Variants in YAF2 observed in about 807,000 individuals in gnomAD.
YAF2 encodes YY1-associated factor 2.
In YAF2, 7 loss-of-function variants were observed where a neutral mutation model predicts 20.1. The ratio of observed to expected loss-of-function variants is 0.35; its 90% CI spans 0.20 to 0.65. The LOEUF is 0.65. YAF2 is among the 30% of genes least tolerant of loss of function. The pLI, the probability that YAF2 is intolerant of heterozygous loss-of-function variation, is 0.69. For missense variants in YAF2, 151 were observed against 219.2 expected (o/e 0.69, Z 1.96); for synonymous variants, 74 against 76.0 (o/e 0.97, Z 0.14).
chr12:42,237,881 G>A (rs2068231780), intron 1 of YAF2, 157 bp from the exon 2 acceptor site: 2 of 676,808 alleles, frequency 3.0e-6, no homozygotes, highest in Admixed American at 6.1e-5. Flanking sequence ...TGAGGGGGAA[G>A]GGAGTCAGGA....
chr12:42,172,504 AT>A (rs575551435), intron 2 of YAF2, among the ~76,000 whole-genome samples: 1 of 152,016 alleles, frequency 6.6e-6, no homozygotes, highest in African/African-American at 2.4e-5. Context: ...TGAGACCTGA[AT>A]TTTTTTTAAG....
intron 2 of YAF2, among the ~76,000 whole-genome samples, chr12:42,197,699 T>A (rs1416841287): frequency 6.6e-6 from 1 of 152,166 alleles, no homozygotes; most frequent in African/African-American, 2.4e-5. Context: ...AGAAAACATG[T>A]AACCCGAAAA....
At chr12:42,179,541 CT>C (rs1379610777) in intron 2 of YAF2, among the ~76,000 whole-genome samples, 1 of 152,054 alleles carries the variant, frequency 6.6e-6, no homozygotes, top group Non-Finnish European at 1.5e-5. Flanking sequence ...TCTAAGTTTT[CT>C]AAAAATAGAA....
chr12:42,213,883 A>T (rs541723897), intron 2 of YAF2, among the ~76,000 whole-genome samples: 1 of 152,350 alleles, frequency 6.6e-6, no homozygotes, highest in African/African-American at 2.4e-5. Flanking sequence ...GGTACTACAC[A>T]GACCTCCATT....
At chr12:42,199,161 C>T (rs1311542403) in intron 2 of YAF2, 5 of 1,288,568 alleles carry the variant, frequency 3.9e-6, no homozygotes, top group Non-Finnish European at 5.1e-6. Context: ...AGAGAATGAC[C>T]CAAATTTCTA....
Position 42,158,503 on chromosome 12 carries a change from C to G in YAF2, c.*2086G>C, listed in dbSNP as rs1356948848. ...AGAATTTTACACGGATTGACTTAAT[C>G]CTCCCAAAAACCCTATAAATTAGAT... is the stretch of plus-strand genomic sequence containing the variant. On this transcript the variant is annotated 3_prime_UTR_variant, in exon 4 of 4. Transcript: ENST00000534854. 6.6e-6 allele frequency: 1 copy of G among 152,130 alleles called. No individual in the cohort carries two copies. The highest frequency in any genetic ancestry group is 2.4e-5 in the African/African-American group (1 of 41,422). 9.4% of individuals were successfully genotyped at this position (152,130 alleles called of 1,614,324 possible). A position where few individuals can be genotyped will look rare whatever the true frequency, so the allele number is the denominator to read the frequency against.
At chr12:42,226,970 G>A (rs1264283061) in intron 2 of YAF2, among the ~76,000 whole-genome samples, 9 of 148,976 alleles carry the variant, frequency 6.0e-5, no homozygotes, top group African/African-American at 2.0e-4. Context: ...GCTGCGGCCC[G>A]GGGCAGTGCG....
chr12:42,180,809 G>A (rs921059022), intron 2 of YAF2, among the ~76,000 whole-genome samples: 2 of 152,084 alleles, frequency 1.3e-5, no homozygotes, highest in African/African-American at 4.8e-5. Flanking sequence ...TTAGCTGGAT[G>A]TGGTGGTGCG....
chr12:42,234,176 G>A, intron 2 of YAF2: 1 of 954,966 alleles, frequency 1.0e-6, no homozygotes, highest in Non-Finnish European at 1.2e-6. Context: ...CTCAAATTCT[G>A]CCTCAAAAAA....
chr12:42,176,600 A>G (rs756245060), intron 2 of YAF2, among the ~76,000 whole-genome samples: 1 of 152,012 alleles, frequency 6.6e-6, no homozygotes, highest in Non-Finnish European at 1.5e-5. Flanking sequence ...TTCCATCCCC[A>G]CCTTCAAAAT....
At chr12:42,164,426 C>A (rs2065865954) in intron 2 of YAF2, among the ~76,000 whole-genome samples, 1 of 152,082 alleles carries the variant, frequency 6.6e-6, no homozygotes, top group Admixed American at 6.6e-5. Context: ...CTGCCTTCCA[C>A]CCCCACTGAC....
At position 42,158,958 on chromosome 12, in the gene YAF2, T is replaced by C. The variant is rs1421776121; in HGVS notation, c.*1631A>G. ...AATTCATGTTTTAAAGGAACATATC[T>C]GGTTAGCTGGTATTCCATTGAAAGT... On this transcript the variant is annotated 3_prime_UTR_variant, in exon 4 of 4. Coordinates refer to ENST00000534854, the MANE Select transcript of YAF2 (RefSeq NM_005748.6). The C allele has an allele frequency of 3.9e-5, 6 of 152,310 alleles. No homozygotes were observed. The highest frequency in any genetic ancestry group is 4.1e-4 in the South Asian group (2 of 4,826). The allele number at this position is 152,310 out of a possible 1,614,324, so 9.4% of individuals were successfully genotyped here.
chr12:42,193,425 T>A (rs1482021927), intron 2 of YAF2, among the ~76,000 whole-genome samples: 16 of 152,178 alleles, frequency 1.1e-4, no homozygotes, highest in Non-Finnish European at 1.3e-4. Flanking sequence ...TTTTTATTGC[T>A]ATTTCAGAGT....
At chr12:42,212,489 G>T in intron 2 of YAF2, 1 of 442,092 alleles carries the variant, frequency 2.3e-6, no homozygotes, top group Non-Finnish European at 4.5e-6. Context: ...TTCATTCTAT[G>T]GAAACAAAGA....
chr12:42,214,908 G>A (rs1461074391), intron 2 of YAF2, among the ~76,000 whole-genome samples: 3 of 152,088 alleles, frequency 2.0e-5, no homozygotes, highest in South Asian at 2.1e-4. Context: ...GGAGGCTAAG[G>A]CAGGAGAATC....
chr12:42,210,523 G>C (rs2067177336), intron 2 of YAF2: 1 of 1,535,914 alleles, frequency 6.5e-7, no homozygotes, highest in African/African-American at 1.4e-5. Context: ...AGATGCTAGA[G>C]ACATGCTTCA....
At chr12:42,162,087 T>A (rs1185994412) in intron 2 of YAF2, among the ~76,000 whole-genome samples, 1 of 152,186 alleles carries the variant, frequency 6.6e-6, no homozygotes, top group Non-Finnish European at 1.5e-5. Flanking sequence ...CATATAAACA[T>A]GAGTTCTAAA....
At chr12:42,203,173 A>C (rs946220986) in intron 2 of YAF2, among the ~76,000 whole-genome samples, 34 of 152,064 alleles carry the variant, frequency 2.2e-4, no homozygotes, top group African/African-American at 8.2e-4. Context: ...CTTCCCACCC[A>C]AAAATATAGT....
At chr12:42,226,431 G>T (rs372088503) in intron 2 of YAF2, among the ~76,000 whole-genome samples, 1 of 152,176 alleles carries the variant, frequency 6.6e-6, no homozygotes, top group Non-Finnish European at 1.5e-5. Context: ...GGAGGCCAAG[G>T]TGAGAGGATT....
Sources: gnomAD v4.1 joint callset for allele counts (sites outside exome capture counted in the v4.1 genomes callset) on GRCh38, gnomAD v4.1.1 for gene constraint, MANE v1.5 for transcripts, NCBI Gene and HGNC (gene_info 2026-07-23, HGNC 2026-07-21) for gene names.